Variants in TIMP3 observed in about 807,000 individuals in gnomAD.
The protein encoded by TIMP3 is TIMP metallopeptidase inhibitor 3, also known as metalloproteinase inhibitor 3.
A neutral mutation model predicts 30.0 loss-of-function variants in TIMP3; 11 were observed. The observed-to-expected ratio is 0.37, with a 90% CI of 0.23 to 0.61. The LOEUF is 0.61. TIMP3 is among the 20% of genes least tolerant of loss of function. TIMP3 has a pLI of 0.70. For missense variants in TIMP3, 181 were observed against 276.8 expected, an observed-to-expected ratio of 0.65 and a Z score of 2.45; for synonymous variants, 112 against 111.3, an observed-to-expected ratio of 1.01 and a Z score of -0.04.
intron 1 of TIMP3, among the ~76,000 whole-genome samples, chr22:32,824,582 AAT>A (rs920957356): frequency 6.6e-6 from 1 of 152,090 alleles, no homozygotes; most frequent in Non-Finnish European, 1.5e-5. Flanking sequence ...ATAATTAAAT[AAT>A]ATATATATGT....
At chr22:32,803,222 A>T (rs2046638907) in intron 1 of TIMP3, among the ~76,000 whole-genome samples, 1 of 151,928 alleles carries the variant, frequency 6.6e-6, no homozygotes, top group African/African-American at 2.4e-5. Flanking sequence ...GCCTGTGTCG[A>T]TTCAGAGGTG....
At chr22:32,819,233 G>A (rs1025460106) in intron 1 of TIMP3, among the ~76,000 whole-genome samples, 16 of 152,218 alleles carry the variant, frequency 1.1e-4, no homozygotes, top group Non-Finnish European at 1.5e-4. Context: ...GGTTTCACCC[G>A]CAAGGAGCTG....
chr22:32,823,800 G>T (rs1316228820), intron 1 of TIMP3, among the ~76,000 whole-genome samples: 2 of 152,074 alleles, frequency 1.3e-5, no homozygotes, highest in Non-Finnish European at 2.9e-5. Context: ...CATCCATGTG[G>T]TCTCAGGCAA....
chr22:32,812,159 G>T (rs1417047801), intron 1 of TIMP3, among the ~76,000 whole-genome samples: 1 of 152,204 alleles, frequency 6.6e-6, no homozygotes, highest in East Asian at 1.9e-4. Context: ...TTCACTGAAT[G>T]CCTACTATGG....
At chr22:32,842,190 T>A (rs1021634081) in intron 1 of TIMP3, among the ~76,000 whole-genome samples, 1 of 152,198 alleles carries the variant, frequency 6.6e-6, no homozygotes, top group East Asian at 1.9e-4. Context: ...ACGTGCTCCA[T>A]GCCTGTTTTT....
intron 1 of TIMP3, chr22:32,833,757 G>C (rs1266344942): frequency 4.0e-6 from 2 of 496,372 alleles, no homozygotes; most frequent in South Asian, 1.4e-5. Context: ...TACAGGCCTC[G>C]ATTTCTAAAA....
intron 1 of TIMP3, among the ~76,000 whole-genome samples, chr22:32,816,169 G>T (rs2047083662): frequency 6.6e-6 from 1 of 152,134 alleles, no homozygotes; most frequent in Admixed American, 6.6e-5. Flanking sequence ...GGCGAGGTCA[G>T]TGTACCAGGT....
chr22:32,829,309 G>A (rs1229892233), intron 1 of TIMP3, among the ~76,000 whole-genome samples: 2 of 152,224 alleles, frequency 1.3e-5, no homozygotes, highest in Non-Finnish European at 2.9e-5. Context: ...TACTGTTCCT[G>A]TTGGTGCTGA....
intron 1 of TIMP3, among the ~76,000 whole-genome samples, chr22:32,814,133 TGTGTGTGTGAGA>T (rs1189136295): frequency 1.3e-3 from 98 of 75,652 alleles, no homozygotes; most frequent in Non-Finnish European, 1.7e-3. Context: ...TGTGTGTGTG[TGTGTGTGTGAGA>T]GAGAGAGAGA....
chr22:32,854,624 C>A (rs2048313509), intron 2 of TIMP3, among the ~76,000 whole-genome samples: 1 of 152,186 alleles, frequency 6.6e-6, no homozygotes, highest in South Asian at 2.1e-4. Context: ...AGGCATACAG[C>A]AGCACGCTTA....
intron 1 of TIMP3, among the ~76,000 whole-genome samples, chr22:32,807,256 C>A (rs1471931320): frequency 2.8e-5 from 4 of 141,840 alleles, no homozygotes; most frequent in African/African-American, 1.1e-4. Flanking sequence ...GTGAGACAAA[C>A]CAAGTCCTTT....
At position 32,814,349 on chromosome 22, in the gene TIMP3, G is replaced by GAAAGAAAGAA. The variant is rs1315475497; in HGVS notation, c.121+12228_121+12229insAAGAAAGAAA. Among the ~76,000 whole-genome samples, 1,241 of 148,468 alleles carry GAAAGAAAGAA rather than the reference G, an allele frequency of 8.4e-3. 19 individuals carry two copies. Among genetic ancestry groups the GAAAGAAAGAA allele is most frequent in the African/African-American group, 0.029 (1,162 of 39,766 alleles). ...AAAGAAAGAAAGAAAGAGAAAGAAA[G>GAAAGAAAGAA]AGAGAAAGAAAGAAAGAAAGAAAGA... On this transcript the variant is annotated intron_variant, in intron 1 of 4. Transcript: ENST00000266085.
intron 1 of TIMP3, among the ~76,000 whole-genome samples, chr22:32,819,820 G>A (rs2047185844): frequency 6.6e-6 from 1 of 152,208 alleles, no homozygotes. Context: ...CTTGCTATCT[G>A]TCCATAACTT....
At chr22:32,812,954 C>T (rs762635506) in intron 1 of TIMP3, among the ~76,000 whole-genome samples, 6 of 152,160 alleles carry the variant, frequency 3.9e-5, no homozygotes, top group Middle Eastern at 3.2e-3. Flanking sequence ...GGGTGCAGTT[C>T]TGAACAAATG....
intron 2 of TIMP3, among the ~76,000 whole-genome samples, chr22:32,850,468 G>A (rs531327126): frequency 6.6e-6 from 1 of 152,192 alleles, no homozygotes; most frequent in Admixed American, 6.5e-5. Flanking sequence ...ACAGAAGACT[G>A]GGGCTTCACC....
chr22:32,830,769 G>A (rs1405157714), intron 1 of TIMP3, among the ~76,000 whole-genome samples: 1 of 152,126 alleles, frequency 6.6e-6, no homozygotes, highest in Non-Finnish European at 1.5e-5. Context: ...CATGGACCGT[G>A]AGTGTATCCG....
chr22:32,808,141 T>G (rs2046816382), intron 1 of TIMP3, among the ~76,000 whole-genome samples: 1 of 152,200 alleles, frequency 6.6e-6, no homozygotes. Flanking sequence ...CTTTATGTAT[T>G]TATTTTGCTT....
Position 32,801,968 on chromosome 22 carries a change from AGCAGCAGCCCCGGCAGCGGCG to A in TIMP3, c.-25_-5del. ...CGCGCACGGCAACTTTGGAGAGGCG[AGCAGCAGCCCCGGCAGCGGCG>A]GCAGCAGCGGCAATGACCCCTTGGC... is the stretch of plus-strand genomic sequence containing the variant. On this transcript the variant is annotated 5_prime_UTR_variant, in exon 1 of 5. Transcript: ENST00000266085. The surrounding 1 kb of genome is among the most constrained non-coding windows in gnomAD (Gnocchi z 4.7). 6.3e-7 allele frequency: 1 copy of A among 1,576,670 alleles called. No homozygotes were observed. Among genetic ancestry groups the A allele is most frequent in the Non-Finnish European group, 8.6e-7 (1 of 1,169,206 alleles).
chr22:32,827,244 C>T (rs1390708046), intron 1 of TIMP3, among the ~76,000 whole-genome samples: 31 of 152,196 alleles, frequency 2.0e-4, no homozygotes, highest in Admixed American at 2.0e-3. Flanking sequence ...TGTTAGCTTA[C>T]CCCTGTCTGG....
Sources: gnomAD v4.1 joint callset for allele counts (sites outside exome capture counted in the v4.1 genomes callset) on GRCh38, gnomAD v4.1.1 for gene constraint, Gnocchi (gnomAD v3.1) non-coding constraint, MANE v1.5 for transcripts, NCBI Gene and HGNC (gene_info 2026-07-23, HGNC 2026-07-21) for gene names.